MRAP2: variants seen among roughly 807,000 people sequenced by gnomAD.
MRAP2 encodes melanocortin-2 receptor accessory protein 2.
A neutral mutation model predicts 17.4 loss-of-function variants in MRAP2; 20 were observed. The observed-to-expected ratio is 1.15, with a 90% CI of 0.81 to 1.67. MRAP2 has a LOEUF of 1.67. MRAP2 is among the 40% of genes most tolerant of loss of function. The pLI is 0.00. For missense variants in MRAP2, 238 were observed against 240.0 expected (o/e 0.99, Z 0.05); for synonymous variants, 96 against 88.4 (o/e 1.09, Z -0.48).
the MRAP2 span, among the ~76,000 whole-genome samples, chr6:84,131,220 CTGTT>C: frequency 3.0e-3 from 463 of 152,234 alleles, 2 homozygotes; most frequent in African/African-American, 0.01. Flanking sequence ...GTCTGAGAGA[CTGTT>C]TGTTATGATT....
chr6:84,110,760 CTTGAG>C, the MRAP2 span, among the ~76,000 whole-genome samples: 4 of 152,300 alleles, frequency 2.6e-5, no homozygotes, highest in South Asian at 8.3e-4. Flanking sequence ...TGTGATCCAT[CTTGAG>C]TTAATTTTTG....
the MRAP2 span, among the ~76,000 whole-genome samples, chr6:84,115,613 A>C: frequency 2.0e-5 from 3 of 151,780 alleles, no homozygotes; most frequent in African/African-American, 7.3e-5. Flanking sequence ...TCCGGGCACC[A>C]CTGGGGTATG....
At chr6:84,126,468 A>G in the MRAP2 span, 2 of 1,576,024 alleles carry the variant, frequency 1.3e-6, no homozygotes, top group South Asian at 1.2e-5. Context: ...TCTCTGGTGT[A>G]TGGTTTTCTT....
chr6:84,094,303 A>C (rs1411961168), downstream of MRAP2, among the ~76,000 whole-genome samples: 1 of 152,168 alleles, frequency 6.6e-6, no homozygotes, highest in Non-Finnish European at 1.5e-5. Context: ...CCTGATGATG[A>C]ATCTCCTAAT....
intron 1 of MRAP2, among the ~76,000 whole-genome samples, chr6:84,040,269 G>C (rs2099487176): frequency 6.6e-6 from 1 of 152,184 alleles, no homozygotes; most frequent in African/African-American, 2.4e-5. Context: ...GTTTCCTGAG[G>C]CCTCCCTAGC....
chr6:84,107,875 T>TA, the MRAP2 span, among the ~76,000 whole-genome samples: 1 of 152,232 alleles, frequency 6.6e-6, no homozygotes, highest in Non-Finnish European at 1.5e-5. Flanking sequence ...GTAGCTGAAT[T>TA]AGAGTCACTA....
chr6:84,118,398 T>C, the MRAP2 span, among the ~76,000 whole-genome samples: 1 of 151,588 alleles, frequency 6.6e-6, no homozygotes, highest in Non-Finnish European at 1.5e-5. Flanking sequence ...CCCAGGGCAC[T>C]CCATCCCAGG....
At chr6:84,047,507 T>C (rs1404921425) in intron 1 of MRAP2, among the ~76,000 whole-genome samples, 1 of 151,820 alleles carries the variant, frequency 6.6e-6, no homozygotes, top group East Asian at 1.9e-4. Flanking sequence ...AAAAAAAAAC[T>C]ATAAACAATA....
chr6:84,144,813 A>G, the MRAP2 span, among the ~76,000 whole-genome samples: 1 of 152,146 alleles, frequency 6.6e-6, no homozygotes. Context: ...TTTTCTCTTA[A>G]GCTATCCATA....
At chr6:84,104,216 T>C in the MRAP2 span, among the ~76,000 whole-genome samples, 1 of 152,020 alleles carries the variant, frequency 6.6e-6, no homozygotes, top group Non-Finnish European at 1.5e-5. Context: ...ATGGCTGGAG[T>C]GGCTGGAATG....
intron 3 of MRAP2, among the ~76,000 whole-genome samples, chr6:84,065,817 G>C (rs2099494539): frequency 6.6e-6 from 1 of 152,164 alleles, no homozygotes; most frequent in Non-Finnish European, 1.5e-5. Flanking sequence ...CATGCTGTGA[G>C]TGGGCCTCAT....
At chr6:84,062,776 A>C (rs2099493511) in intron 2 of MRAP2, 117 bp from the exon 3 acceptor site, 1 of 1,521,352 alleles carries the variant, frequency 6.6e-7, no homozygotes, top group African/African-American at 1.4e-5. Flanking sequence ...TGCGGATCAG[A>C]CTGTTGACTT....
intron 3 of MRAP2, among the ~76,000 whole-genome samples, chr6:84,070,295 T>C (rs1389708138): frequency 6.6e-6 from 1 of 152,202 alleles, no homozygotes; most frequent in African/African-American, 2.4e-5. Flanking sequence ...GGTTGTGTCA[T>C]TATTGTGTTT....
intron 3 of MRAP2, among the ~76,000 whole-genome samples, chr6:84,073,064 G>A (rs990274713): frequency 6.6e-6 from 1 of 152,122 alleles, no homozygotes; most frequent in African/African-American, 2.4e-5. Context: ...CACTGGATTC[G>A]TGTCCTTCCC....
chr6:84,131,294 A>G, the MRAP2 span, among the ~76,000 whole-genome samples: 8 of 152,180 alleles, frequency 5.3e-5, no homozygotes, highest in African/African-American at 1.2e-4. Context: ...CAATTTTAAA[A>G]TAAGTGTGAT....
chr6:84,126,509 T>G, the MRAP2 span: 1 of 1,522,592 alleles, frequency 6.6e-7, no homozygotes, highest in Non-Finnish European at 8.8e-7. Flanking sequence ...AAGAGTTTTG[T>G]AATCTAAAAT....
chr6:84,097,628 C>G, the MRAP2 span, among the ~76,000 whole-genome samples: 10 of 152,116 alleles, frequency 6.6e-5, no homozygotes, highest in Non-Finnish European at 1.3e-4. Context: ...CCTCTAAGCT[C>G]TTAAAATATT....
chr6:84,113,846 C>A, the MRAP2 span, among the ~76,000 whole-genome samples: 1 of 152,174 alleles, frequency 6.6e-6, no homozygotes, highest in Non-Finnish European at 1.5e-5. Flanking sequence ...ACTTTTGAAG[C>A]TTAATTTGGC....
At chr6:84,083,864 TTC>T (rs1199851685) in intron 3 of MRAP2, among the ~76,000 whole-genome samples, 4 of 152,132 alleles carry the variant, frequency 2.6e-5, no homozygotes, top group Admixed American at 2.6e-4. Flanking sequence ...TAGAAGCAGA[TTC>T]TCTCGCTTTC....
Sources: gnomAD v4.1 joint callset for allele counts (sites outside exome capture counted in the v4.1 genomes callset) on GRCh38, gnomAD v4.1.1 for gene constraint, MANE v1.5 for transcripts, NCBI Gene and HGNC (gene_info 2026-07-23, HGNC 2026-07-21) for gene names.